HEMK2: variants seen among roughly 807,000 people sequenced by gnomAD.
HEMK2 encodes HemK methyltransferase 2, ETF1 glutamine and histone H4 lysine.
At chr21:28,691,664 T>A in the HEMK2 span, among the ~76,000 whole-genome samples, 1 of 151,950 alleles carries the variant, frequency 6.6e-6, no homozygotes, top group African/African-American at 2.4e-5. Flanking sequence ...GGATTAACGA[T>A]ATTTTAAAAA....
chr21:28,591,907 T>C, the HEMK2 span, among the ~76,000 whole-genome samples: 1 of 152,220 alleles, frequency 6.6e-6, no homozygotes, highest in Non-Finnish European at 1.5e-5. Context: ...CTGCATAATG[T>C]TGCATGGTGT....
the HEMK2 span, among the ~76,000 whole-genome samples, chr21:28,857,719 C>G: frequency 6.6e-6 from 1 of 152,056 alleles, no homozygotes; most frequent in African/African-American, 2.4e-5. Flanking sequence ...GCAATCCTGC[C>G]AGAACATAGA....
chr21:28,687,354 G>A, the HEMK2 span, among the ~76,000 whole-genome samples: 919 of 152,202 alleles, frequency 6.0e-3, 11 homozygotes, highest in African/African-American at 0.021. Context: ...CATTTTCCTC[G>A]TCTAGAAAAT....
At chr21:28,708,700 T>A in the HEMK2 span, among the ~76,000 whole-genome samples, 2 of 152,148 alleles carry the variant, frequency 1.3e-5, no homozygotes, top group African/African-American at 4.8e-5. Flanking sequence ...TAAAAGTAAA[T>A]CATACAAGTC....
the HEMK2 span, among the ~76,000 whole-genome samples, chr21:28,636,209 G>C: frequency 6.6e-6 from 1 of 152,022 alleles, no homozygotes. Flanking sequence ...ACTAATAATG[G>C]TTCATCCTGT....
chr21:28,732,093 G>A, the HEMK2 span, among the ~76,000 whole-genome samples: 5 of 152,186 alleles, frequency 3.3e-5, no homozygotes, highest in African/African-American at 4.8e-5. Context: ...GTTCTAGGAC[G>A]CAGGCTAAAT....
the HEMK2 span, among the ~76,000 whole-genome samples, chr21:28,732,809 G>T: frequency 6.6e-6 from 1 of 152,168 alleles, no homozygotes; most frequent in South Asian, 2.1e-4. Flanking sequence ...GATTTCTGCT[G>T]AGTCTCAGAC....
At chr21:28,788,714 A>G in the HEMK2 span, among the ~76,000 whole-genome samples, 3 of 152,058 alleles carry the variant, frequency 2.0e-5, no homozygotes, top group South Asian at 2.1e-4. Flanking sequence ...CCAAAAAAAA[A>G]AAAAAAGAAA....
chr21:28,876,454 T>C, the HEMK2 span: 7 of 1,608,828 alleles, frequency 4.4e-6, no homozygotes, highest in Admixed American at 5.1e-5. Context: ...CAGTGGTTCC[T>C]TGCAGACCTT....
At chr21:28,754,302 A>G in the HEMK2 span, among the ~76,000 whole-genome samples, 151,699 of 152,370 alleles carry the variant, frequency 1, 75,515 homozygotes, top group East Asian at 1. Flanking sequence ...TGCATCTGAG[A>G]AAGTTCTGGT....
chr21:28,778,397 A>G, the HEMK2 span, among the ~76,000 whole-genome samples: 1 of 152,330 alleles, frequency 6.6e-6, no homozygotes, highest in African/African-American at 2.4e-5. Flanking sequence ...CACATTCATC[A>G]ACATGTTTTT....
chr21:28,810,899 A>T, the HEMK2 span, among the ~76,000 whole-genome samples: 1 of 152,160 alleles, frequency 6.6e-6, no homozygotes, highest in African/African-American at 2.4e-5. Flanking sequence ...CCAAAGGGCT[A>T]CTTTTCCAGA....
At chr21:28,622,779 T>C in the HEMK2 span, among the ~76,000 whole-genome samples, 1 of 152,116 alleles carries the variant, frequency 6.6e-6, no homozygotes, top group South Asian at 2.1e-4. Context: ...GCTAGCCATA[T>C]GATGCAGAAT....
chr21:28,613,305 T>C, the HEMK2 span, among the ~76,000 whole-genome samples: 1 of 152,132 alleles, frequency 6.6e-6, no homozygotes, highest in African/African-American at 2.4e-5. Flanking sequence ...AAATTTTGAC[T>C]CTAGAATCAA....
At chr21:28,600,332 G>T in the HEMK2 span, among the ~76,000 whole-genome samples, 1 of 152,234 alleles carries the variant, frequency 6.6e-6, no homozygotes, top group African/African-American at 2.4e-5. Context: ...GCACCTGCAG[G>T]CTCAACACCA....
the HEMK2 span, among the ~76,000 whole-genome samples, chr21:28,705,532 C>T: frequency 6.6e-6 from 1 of 152,196 alleles, no homozygotes; most frequent in Non-Finnish European, 1.5e-5. Flanking sequence ...CTGCATAGTA[C>T]AGCCTACACA....
chr21:28,757,198 G>C, the HEMK2 span, among the ~76,000 whole-genome samples: 1 of 152,066 alleles, frequency 6.6e-6, no homozygotes, highest in African/African-American at 2.4e-5. Flanking sequence ...GCTTAATTCA[G>C]GTATCATGTA....
At chr21:28,742,637 T>C in the HEMK2 span, among the ~76,000 whole-genome samples, 1 of 151,528 alleles carries the variant, frequency 6.6e-6, no homozygotes, top group African/African-American at 2.4e-5. Context: ...TCATAAATGA[T>C]CATTTTTTTA....
the HEMK2 span, among the ~76,000 whole-genome samples, chr21:28,729,154 T>A: frequency 6.6e-6 from 1 of 152,218 alleles, no homozygotes; most frequent in African/African-American, 2.4e-5. Flanking sequence ...CTGTCTCTAC[T>A]TCTCCCCAAA....
Sources: gnomAD v4.1 joint callset for allele counts (sites outside exome capture counted in the v4.1 genomes callset) on GRCh38, gnomAD v4.1.1 for gene constraint, MANE v1.5 for transcripts, NCBI Gene and HGNC (gene_info 2026-07-23, HGNC 2026-07-21) for gene names.